Variants in ALDH1L2 observed in about 807,000 individuals in gnomAD.
ALDH1L2 encodes the protein aldehyde dehydrogenase 1 family member L2.
A neutral mutation model predicts 111.0 loss-of-function variants in ALDH1L2; 91 were observed. That is an observed-to-expected ratio of 0.82 (90% CI 0.69 to 0.98). The LOEUF is 0.98. Among genes scored for constraint, ALDH1L2 ranks in the 50% least tolerant of loss-of-function variants. The pLI is 0.00. For synonymous variants in ALDH1L2, 374 were observed against 392.6 expected, an observed-to-expected ratio of 0.95 and a Z score of 0.56; for missense variants, 995 against 1,126.8, an observed-to-expected ratio of 0.88 and a Z score of 1.67.
intron 12 of ALDH1L2, among the ~76,000 whole-genome samples, chr12:105,051,325 G>C (rs1239789730): frequency 6.6e-6 from 1 of 152,122 alleles, no homozygotes; most frequent in Non-Finnish European, 1.5e-5. Flanking sequence ...TTGGTGAACT[G>C]AAGGAAAAAG....
chr12:105,024,517 A>T, intron 22 of ALDH1L2, 38 bp from the exon 23 acceptor site: 1 of 1,595,928 alleles, frequency 6.3e-7, no homozygotes, highest in Non-Finnish European at 8.6e-7. Context: ...CCACATTCAG[A>T]GGCAGACATG....
chr12:105,049,842 G>T, intron 13 of ALDH1L2, 66 bp downstream of exon 13: 1 of 1,500,236 alleles, frequency 6.7e-7, no homozygotes, highest in Non-Finnish European at 9.0e-7. Context: ...ATCTGACACA[G>T]TGCCTGGTAC....
intron 19 of ALDH1L2, among the ~76,000 whole-genome samples, chr12:105,033,547 A>G (rs959147719): frequency 5.3e-5 from 8 of 152,134 alleles, no homozygotes; most frequent in Non-Finnish European, 1.2e-4. Flanking sequence ...GGTGTGGAGA[A>G]TTGGCTCTGG....
At position 105,084,420 on chromosome 12, in the gene ALDH1L2, C is replaced by A; in HGVS notation, c.17G>T (p.Ser6Ile). 1 of 1,493,622 alleles carries A rather than the reference C, an allele frequency of 6.7e-7. No homozygotes were observed. The highest frequency in any genetic ancestry group is 1.4e-5 in the African/African-American group (1 of 69,444). 92.5% of individuals were successfully genotyped at this position (1,493,622 alleles called of 1,614,324 possible). A position where few individuals can be genotyped will look rare whatever the true frequency, so the allele number is the denominator to read the frequency against. The change falls in exon 1 of 23, where the codon AGC becomes ATC. Residue 6 changes from serine (S) to isoleucine (I), a missense_variant. By Grantham distance (142) the Ser-to-Ile change is moderately radical (BLOSUM62 -2). Coordinates refer to ENST00000258494, the MANE Select transcript of ALDH1L2 (RefSeq NM_001034173.4). ...AGTGGAGAAGCGCCGGAGCGCCTGG[C>A]TGCCCCGCCGCAGCATGCTGGAGAG... MLRRG[S>I]QALRRFSTGR...
At chr12:105,027,468 C>G (rs572742431) in intron 21 of ALDH1L2, among the ~76,000 whole-genome samples, 1 of 152,306 alleles carries the variant, frequency 6.6e-6, no homozygotes, top group African/African-American at 2.4e-5. Flanking sequence ...CGTTTCAGAT[C>G]CCACCAGTGC....
intron 15 of ALDH1L2, among the ~76,000 whole-genome samples, chr12:105,046,227 T>C (rs1311379369): frequency 1.2e-5 from 1 of 85,872 alleles, no homozygotes; most frequent in Non-Finnish European, 2.1e-5. Context: ...ATATATTTTT[T>C]TTTTTTTTTT....
intron 2 of ALDH1L2, 79 bp from the exon 3 acceptor site, chr12:105,070,883 T>C: frequency 8.5e-7 from 1 of 1,176,800 alleles, no homozygotes. Context: ...GTTGTAATTT[T>C]ACAGTTTCAT....
chr12:105,066,485 G>A, intron 5 of ALDH1L2, 83 bp downstream of exon 5: 2 of 1,341,450 alleles, frequency 1.5e-6, no homozygotes. Flanking sequence ...TTACCTTTTG[G>A]CAAGATCATA....
At chr12:105,064,137 T>A (rs1401515171) in intron 6 of ALDH1L2, among the ~76,000 whole-genome samples, 1 of 125,194 alleles carries the variant, frequency 8.0e-6, no homozygotes, top group African/African-American at 3.2e-5. Flanking sequence ...TTTTTTTTTT[T>A]TTTTTTTTTT....
chr12:105,079,921 G>T lies in ALDH1L2; in HGVS notation c.48+4468C>A, dbSNP rs375751398. ...TTGTATTTCCAAAAATAATTCAAAT[G>T]AAATAATATTATGCGTAATGTTCCA... On this transcript the variant is annotated intron_variant, in intron 1 of 22. Transcript: ENST00000258494. Among the ~76,000 whole-genome samples, 6 of 152,110 alleles carry T rather than the reference G, an allele frequency of 3.9e-5. No individual in the cohort carries two copies. In the South Asian group the frequency reaches 6.2e-4, roughly 16 times the overall value.
chr12:105,051,424 G>A (rs767720238), intron 12 of ALDH1L2, among the ~76,000 whole-genome samples: 40 of 152,114 alleles, frequency 2.6e-4, no homozygotes, highest in African/African-American at 7.5e-4. Flanking sequence ...TGGTTTTCTC[G>A]TATAGCTACA....
At position 105,073,948 on chromosome 12, in the gene ALDH1L2, C is replaced by G; in HGVS notation, c.106G>C (p.Glu36Gln). The change falls in exon 2 of 23, where the codon GAA (glutamate) becomes CAA (glutamine). Residue 36 changes from glutamate to glutamine, a missense_variant. Coordinates refer to ENST00000258494, the MANE Select transcript of ALDH1L2 (RefSeq NM_001034173.4). ...ALIGQSLFGQ[E>Q]VYSHLRKEGH... ...TCTTTGCGGAGGTGGCTATAGACTTCTTGTCCAAAGAGGCTCTGGCCAATT... is the reference window on the plus strand; with the variant it reads ...TCTTTGCGGAGGTGGCTATAGACTTGTTGTCCAAAGAGGCTCTGGCCAATT... 1 of 1,614,172 alleles carries G rather than the reference C, an allele frequency of 6.2e-7. No individual in the cohort carries two copies. Among genetic ancestry groups the G allele is most frequent in the South Asian group, 1.1e-5 (1 of 91,076 alleles).
intron 1 of ALDH1L2, among the ~76,000 whole-genome samples, chr12:105,077,031 G>A (rs945294188): frequency 1.3e-5 from 2 of 152,164 alleles, no homozygotes; most frequent in Non-Finnish European, 2.9e-5. Flanking sequence ...TTCCTATGCT[G>A]AAAGTTCCCC....
chr12:105,057,050 C>T (rs1024830483), intron 10 of ALDH1L2, among the ~76,000 whole-genome samples: 1 of 150,894 alleles, frequency 6.6e-6, no homozygotes, highest in Non-Finnish European at 1.5e-5. Context: ...ACGAAGGACG[C>T]TTAAGACTCA....
chr12:105,067,528 T>A (rs933276774), intron 4 of ALDH1L2, among the ~76,000 whole-genome samples: 4 of 152,208 alleles, frequency 2.6e-5, no homozygotes, highest in African/African-American at 7.2e-5. Context: ...TTAGGAGACC[T>A]GGAATAAAAA....
chr12:105,066,369 T>A (rs1179555134), intron 5 of ALDH1L2, among the ~76,000 whole-genome samples, 199 bp downstream of exon 5: 1 of 152,090 alleles, frequency 6.6e-6, no homozygotes, highest in Admixed American at 6.6e-5. Flanking sequence ...TGAGTGGTCT[T>A]CCAGACACGA....
chr12:105,070,677 G>A lies in ALDH1L2; in HGVS notation c.321C>T (p.Phe107=), dbSNP rs191225790. 5.0e-6 allele frequency: 8 copies of A among 1,614,182 alleles called. No individual in the cohort carries two copies. The Admixed American group carries it at 6.7e-5, about 13-fold the overall frequency. The change falls in exon 3 of 23, where the codon TTC becomes TTT. Residue 107 remains phenylalanine (F), a synonymous_variant. Coordinates refer to ENST00000258494, the MANE Select transcript of ALDH1L2 (RefSeq NM_001034173.4). Reference sequence around the variant, plus strand: ...TATCCATGGGAATGAACTGAGTGCAGAAAGGGAGCACATTTAGCTCTGCAC... The same window carrying A: ...TATCCATGGGAATGAACTGAGTGCAAAAAGGGAGCACATTTAGCTCTGCAC... ...SVGAELNVLP[F]CTQFIPMDII...
At chr12:105,030,158 C>T (rs1302154265) in intron 21 of ALDH1L2, 166 bp downstream of exon 21, 5 of 452,626 alleles carry the variant, frequency 1.1e-5, no homozygotes, top group Non-Finnish European at 1.5e-5. Flanking sequence ...ATACTATGAT[C>T]TACGATGGTT....
intron 2 of ALDH1L2, chr12:105,072,203 A>G (rs944876921): frequency 6.8e-6 from 1 of 148,060 alleles, no homozygotes; most frequent in African/African-American, 2.4e-5. Context: ...TGATATATAC[A>G]TTTTATAATA....
Sources: allele counts gnomAD v4.1 joint callset (sites outside exome capture counted in the v4.1 genomes callset), GRCh38; gene constraint gnomAD v4.1.1; transcripts MANE v1.5; gene names NCBI Gene and HGNC (gene_info 2026-07-23, HGNC 2026-07-21).